The following DLC1 variants were observed in gnomAD, a reference collection of about 807,000 sequenced individuals.
DLC1 encodes rho GTPase-activating protein 7.
DLC1 carries 54 observed loss-of-function variants against 140.3 expected under a neutral mutation model. The observed-to-expected ratio is 0.38, with a 90% CI of 0.31 to 0.48. DLC1 has a LOEUF of 0.48. DLC1 is among the 20% of genes least tolerant of loss of function. DLC1 has a pLI of 0.96. For missense variants in DLC1, 2,536 were observed against 1,907.0 expected (o/e 1.33, Z -6.14); for synonymous variants, 986 against 728.1 (o/e 1.35, Z -5.70).
chr8:13,500,597 A>G (rs966493293), intron 1 of DLC1, among the ~76,000 whole-genome samples: 2 of 152,228 alleles, frequency 1.3e-5, no homozygotes, highest in Non-Finnish European at 2.9e-5. Flanking sequence ...AAATAAATCT[A>G]TTCACTGTTT....
chr8:13,332,462 G>A (rs1368489552), intron 4 of DLC1, among the ~76,000 whole-genome samples: 6 of 145,918 alleles, frequency 4.1e-5, no homozygotes, highest in Non-Finnish European at 9.0e-5. Context: ...ATGGGGTCTC[G>A]CTGTTTTGCC....
intron 2 of DLC1, 109 bp downstream of exon 2, chr8:13,498,940 G>A: frequency 7.6e-7 from 1 of 1,317,600 alleles, no homozygotes; most frequent in Non-Finnish European, 1.0e-6. Flanking sequence ...TGCATAACAG[G>A]GCAAAAGAAC....
intron 2 of DLC1, among the ~76,000 whole-genome samples, chr8:13,439,647 G>A (rs964497107): frequency 3.3e-5 from 5 of 152,068 alleles, no homozygotes; most frequent in African/African-American, 1.2e-4. Context: ...ATCTAGACCA[G>A]TTATTATTCT....
intron 5 of DLC1, among the ~76,000 whole-genome samples, chr8:13,156,178 C>G (rs1374591193): frequency 6.6e-6 from 1 of 152,088 alleles, no homozygotes; most frequent in Non-Finnish European, 1.5e-5. Flanking sequence ...GGGAAGTTAG[C>G]TTGCTTAATA....
At chr8:13,434,832 A>T (rs1839043661) in intron 2 of DLC1, among the ~76,000 whole-genome samples, 1 of 151,942 alleles carries the variant, frequency 6.6e-6, no homozygotes, top group Admixed American at 6.6e-5. Context: ...GCCCTGCTCC[A>T]ACACACCTGG....
chr8:13,295,201 C>T (rs887964214), intron 5 of DLC1, among the ~76,000 whole-genome samples: 1 of 152,084 alleles, frequency 6.6e-6, no homozygotes, highest in Non-Finnish European at 1.5e-5. Flanking sequence ...TCCTTAAATC[C>T]ATAGAAAAGA....
intron 2 of DLC1, among the ~76,000 whole-genome samples, chr8:13,422,711 C>T (rs563665111): frequency 6.6e-6 from 1 of 150,724 alleles, no homozygotes; most frequent in African/African-American, 2.4e-5. Flanking sequence ...ACTATTAGAT[C>T]AATAATATAG....
At chr8:13,106,696 G>C (rs374611252) in intron 7 of DLC1, among the ~76,000 whole-genome samples, 1 of 152,194 alleles carries the variant, frequency 6.6e-6, no homozygotes, top group East Asian at 1.9e-4. Flanking sequence ...CTCTAAGGTG[G>C]GCTGCTTTGC....
intron 3 of DLC1, among the ~76,000 whole-genome samples, chr8:13,395,756 T>TGTGC: frequency 7.1e-6 from 1 of 140,972 alleles, no homozygotes; most frequent in Non-Finnish European, 1.6e-5. Context: ...TGCATGTGTG[T>TGTGC]GTGTGCGTGT....
chr8:13,543,095 T>C (rs1225182523), intron 1 of DLC1, among the ~76,000 whole-genome samples: 1 of 152,124 alleles, frequency 6.6e-6, no homozygotes, highest in Admixed American at 6.5e-5. Flanking sequence ...ATGAAAAGGG[T>C]CAATTTTGCT....
rs546153592 is a variant in DLC1, at chr8:13,100,804, G to C, written c.1567-34C>G. 17 of 1,523,362 alleles carry C rather than the reference G, an allele frequency of 1.1e-5. No homozygotes were observed. In the South Asian group the frequency reaches 2.0e-4, roughly 18 times the overall value. 94.4% of individuals were successfully genotyped at this position (1,523,362 alleles called of 1,614,324 possible). A position where few individuals can be genotyped will look rare whatever the true frequency, so the allele number is the denominator to read the frequency against. On this transcript the variant is annotated intron_variant, in intron 8 of 17. Coordinates refer to ENST00000276297, the MANE Select transcript of DLC1 (RefSeq NM_182643.3). ...ACAGAAAGGAGCCATTCACACACTG[G>C]GGCTGGCAGCCAGCAGGGAGCAGGG... is the stretch of plus-strand genomic sequence containing the variant.
At chr8:13,369,490 C>T (rs540166518) in intron 4 of DLC1, among the ~76,000 whole-genome samples, 16 of 152,146 alleles carry the variant, frequency 1.1e-4, no homozygotes, top group African/African-American at 3.9e-4. Flanking sequence ...TGCAACAGTA[C>T]TCTCTCCTAA....
Position 13,499,291 on chromosome 8 carries a change from G to C in DLC1, c.781C>G (p.Pro261Ala). 2 of 1,614,094 alleles carry C rather than the reference G, an allele frequency of 1.2e-6. No homozygotes were observed. Among genetic ancestry groups the C allele is most frequent in the African/African-American group, 2.7e-5 (2 of 75,022 alleles). ...NVVQNEFLDT[P>A]CTNRGLPLLK... ...AATGGCAGTCCTCTGTTTGTGCAAG[G>C]AGTATCCAAGAACTCATTTTGTACT... The change falls in exon 2 of 18, where the codon CCT becomes GCT. Residue 261 changes from proline to alanine, a missense_variant. Physicochemically the swap from Pro to Ala is conservative, Grantham distance 27. Coordinates refer to ENST00000276297, the MANE Select transcript of DLC1 (RefSeq NM_182643.3).
At chr8:13,510,392 G>A (rs1320174976) in intron 1 of DLC1, among the ~76,000 whole-genome samples, 1 of 152,018 alleles carries the variant, frequency 6.6e-6, no homozygotes, top group South Asian at 2.1e-4. Flanking sequence ...GGTCAGGCTG[G>A]TCTCGAATTC....
intron 2 of DLC1, among the ~76,000 whole-genome samples, chr8:13,432,549 A>T (rs1449336127): frequency 6.6e-6 from 1 of 152,252 alleles, no homozygotes; most frequent in Non-Finnish European, 1.5e-5. Context: ...CTTTGCACTA[A>T]GAAAGGCAAT....
chr8:13,325,376 T>C (rs193158230), intron 4 of DLC1, among the ~76,000 whole-genome samples: 1 of 152,270 alleles, frequency 6.6e-6, no homozygotes, highest in East Asian at 1.9e-4. Context: ...TTGCTTCCCA[T>C]ATTCCTACTA....
intron 5 of DLC1, among the ~76,000 whole-genome samples, chr8:13,272,956 T>C (rs886666921): frequency 5.3e-5 from 8 of 152,266 alleles, no homozygotes; most frequent in Non-Finnish European, 1.0e-4. Flanking sequence ...TATCCTTTTA[T>C]GTAATTCATT....
intron 1 of DLC1, among the ~76,000 whole-genome samples, chr8:13,509,446 A>G (rs1183317564): frequency 1.3e-5 from 2 of 152,104 alleles, no homozygotes; most frequent in African/African-American, 2.4e-5. Context: ...ATACATCTCT[A>G]TCATCTCATC....
At chr8:13,270,431 G>A (rs866149207) in intron 5 of DLC1, among the ~76,000 whole-genome samples, 25 of 152,176 alleles carry the variant, frequency 1.6e-4, no homozygotes, top group South Asian at 4.1e-4. Flanking sequence ...GCTGAGCCAC[G>A]TGCTTGAAAG....
Sources: allele counts gnomAD v4.1 joint callset (sites outside exome capture counted in the v4.1 genomes callset), GRCh38; gene constraint gnomAD v4.1.1; transcripts MANE v1.5; gene names NCBI Gene and HGNC (gene_info 2026-07-23, HGNC 2026-07-21).